The following PCDH9 variants were observed in gnomAD, a reference collection of about 807,000 sequenced individuals.
PCDH9 encodes the protein protocadherin-9.
PCDH9 carries 24 observed loss-of-function variants against 70.6 expected under a neutral mutation model. The ratio of observed to expected loss-of-function variants is 0.34; its 90% CI spans 0.25 to 0.48. The LOEUF is 0.48. Among genes scored for constraint, PCDH9 ranks in the 20% least tolerant of loss-of-function variants. The pLI is 0.99. For synonymous variants in PCDH9, 562 were observed against 558.5 expected, an observed-to-expected ratio of 1.01 and a Z score of -0.09; for missense variants, 1,281 against 1,503.6, an observed-to-expected ratio of 0.85 and a Z score of 2.45.
intron 4 of PCDH9, among the ~76,000 whole-genome samples, chr13:66,461,952 A>C (rs193217446): frequency 1.1e-4 from 16 of 151,928 alleles, no homozygotes; most frequent in African/African-American, 3.6e-4. Flanking sequence ...TTTCTTGCCC[A>C]GTGATTCTAT....
At chr13:66,397,284 T>C (rs2138284338) in intron 4 of PCDH9, among the ~76,000 whole-genome samples, 1 of 152,160 alleles carries the variant, frequency 6.6e-6, no homozygotes, top group East Asian at 1.9e-4. Context: ...CTGGGCATAG[T>C]GGCTTGCACC....
chr13:66,596,240 G>A (rs559653920), intron 4 of PCDH9, among the ~76,000 whole-genome samples: 3 of 151,530 alleles, frequency 2.0e-5, no homozygotes, highest in African/African-American at 7.3e-5. Context: ...TGTCCAGACA[G>A]AGAAAAATTG....
At chr13:66,851,968 T>C (rs1462845799) in intron 3 of PCDH9, among the ~76,000 whole-genome samples, 1 of 152,100 alleles carries the variant, frequency 6.6e-6, no homozygotes, top group Non-Finnish European at 1.5e-5. Flanking sequence ...TGTCTTCATA[T>C]GGCCTTTCCT....
chr13:66,674,415 G>C (rs966975056), intron 3 of PCDH9, among the ~76,000 whole-genome samples: 1 of 136,334 alleles, frequency 7.3e-6, no homozygotes, highest in Non-Finnish European at 1.6e-5. Flanking sequence ...ACTTTATACT[G>C]TATTGTGTTA....
intron 4 of PCDH9, among the ~76,000 whole-genome samples, chr13:66,626,439 T>C (rs967223359): frequency 2.6e-5 from 4 of 152,136 alleles, no homozygotes; most frequent in African/African-American, 9.7e-5. Flanking sequence ...GTATCAGCAA[T>C]TTCCCAAAGA....
chr13:66,387,282 T>G (rs1956946018), intron 4 of PCDH9, among the ~76,000 whole-genome samples: 1 of 152,056 alleles, frequency 6.6e-6, no homozygotes, highest in Admixed American at 6.6e-5. Flanking sequence ...ATCTCAAAAG[T>G]TATGTGCAGT....
intron 3 of PCDH9, among the ~76,000 whole-genome samples, chr13:66,827,416 C>A (rs1227129261): frequency 6.7e-6 from 1 of 149,578 alleles, no homozygotes; most frequent in Non-Finnish European, 1.5e-5. Context: ...GGTACCAGAT[C>A]ACTTGAGGCA....
At chr13:66,983,082 T>C (rs2083809044) in intron 2 of PCDH9, among the ~76,000 whole-genome samples, 1 of 152,062 alleles carries the variant, frequency 6.6e-6, no homozygotes, top group Admixed American at 6.6e-5. Flanking sequence ...AGCTCATAGT[T>C]AGGAATCAAA....
chr13:66,739,933 G>A (rs879346801), intron 3 of PCDH9, among the ~76,000 whole-genome samples: 1,581 of 149,258 alleles, frequency 0.011, 12 homozygotes, highest in Non-Finnish European at 0.018. Flanking sequence ...ACAGATCAAC[G>A]AGACAGAAAG....
intron 3 of PCDH9, among the ~76,000 whole-genome samples, chr13:66,682,949 G>C (rs2078348257): frequency 1.3e-5 from 2 of 152,146 alleles, no homozygotes; most frequent in South Asian, 4.1e-4. Flanking sequence ...TGGGATTGCA[G>C]CCCTATTTCT....
Position 66,414,384 on chromosome 13 carries a change from C to A in PCDH9, c.3341-109356G>T, listed in dbSNP as rs559767815. 7.9e-5 allele frequency among the ~76,000 whole-genome samples: 12 copies of A among 152,330 alleles called. No individual in the cohort carries two copies. In the South Asian group the frequency reaches 2.3e-3, roughly 29 times the overall value. ...GGTGATCCAAAGTTTACATAAAATT[C>A]TCTTGTCTGCTTCAGGTTCCTCACA... On this transcript the variant is annotated intron_variant, in intron 4 of 4. Transcript: ENST00000377865.
intron 2 of PCDH9, among the ~76,000 whole-genome samples, chr13:66,969,842 G>A (rs578037330): frequency 9.2e-5 from 14 of 151,952 alleles, no homozygotes; most frequent in East Asian, 3.9e-4. Context: ...ATACACTCTC[G>A]AAGCACAATT....
At chr13:66,419,866 T>A (rs1019607498) in intron 4 of PCDH9, among the ~76,000 whole-genome samples, 1 of 151,238 alleles carries the variant, frequency 6.6e-6, no homozygotes, top group Non-Finnish European at 1.5e-5. Flanking sequence ...TGGAGCCAAG[T>A]GGTCTGGCTC....
intron 3 of PCDH9, among the ~76,000 whole-genome samples, chr13:66,857,500 C>A (rs557440563): frequency 3.9e-4 from 59 of 152,200 alleles, no homozygotes; most frequent in Admixed American, 3.9e-3. Flanking sequence ...AGGTGCTCTA[C>A]CTGTACATTG....
intron 2 of PCDH9, among the ~76,000 whole-genome samples, chr13:67,128,058 A>T (rs1296316764): frequency 1.3e-5 from 2 of 152,118 alleles, no homozygotes. Context: ...AGGTAATGTG[A>T]TACATTAGTT....
At chr13:66,835,695 T>C (rs1317647628) in intron 3 of PCDH9, among the ~76,000 whole-genome samples, 1 of 152,222 alleles carries the variant, frequency 6.6e-6, no homozygotes, top group Admixed American at 6.5e-5. Context: ...TATAAACATC[T>C]GAATTAATAC....
At chr13:66,863,872 C>T (rs973609833) in intron 3 of PCDH9, among the ~76,000 whole-genome samples, 9 of 151,800 alleles carry the variant, frequency 5.9e-5, no homozygotes, top group Admixed American at 2.6e-4. Flanking sequence ...ATAAATTACC[C>T]GAGACAGGGT....
chr13:66,802,943 C>T (rs905051660), intron 3 of PCDH9, among the ~76,000 whole-genome samples: 4 of 152,196 alleles, frequency 2.6e-5, no homozygotes, highest in East Asian at 1.9e-4. Flanking sequence ...GGAACTCTAA[C>T]GGAATCACCT....
intron 4 of PCDH9, among the ~76,000 whole-genome samples, chr13:66,490,720 A>T (rs1385032136): frequency 6.6e-6 from 1 of 152,122 alleles, no homozygotes; most frequent in East Asian, 1.9e-4. Flanking sequence ...TATTTTTTTT[A>T]ATAGACTAAT....
Sources: allele counts gnomAD v4.1 joint callset (sites outside exome capture counted in the v4.1 genomes callset), GRCh38; gene constraint gnomAD v4.1.1; transcripts MANE v1.5; gene names NCBI Gene and HGNC (gene_info 2026-07-23, HGNC 2026-07-21).